The following SIL1 variants were observed in gnomAD, a reference collection of about 807,000 sequenced individuals.
SIL1 encodes nucleotide exchange factor SIL1.
SIL1 carries 40 observed loss-of-function variants against 49.1 expected under a neutral mutation model. That is an observed-to-expected ratio of 0.81 (90% CI 0.63 to 1.06). SIL1 has a LOEUF of 1.06. Ranked by LOEUF, SIL1 falls within the 50% of genes least tolerant of loss-of-function variation. The pLI, the probability that SIL1 is intolerant of heterozygous loss-of-function variation, is 0.00. For synonymous variants in SIL1, 253 were observed against 250.8 expected (o/e 1.01, Z -0.08); for missense variants, 500 against 572.6 (o/e 0.87, Z 1.29).
intron 5 of SIL1, among the ~76,000 whole-genome samples, chr5:139,036,722 T>C (rs1399859561): frequency 1.3e-5 from 2 of 151,924 alleles, no homozygotes; most frequent in Non-Finnish European, 2.9e-5. Context: ...AGGGAGGGGA[T>C]CAGGAAAAAT....
chr5:139,060,628 T>C (rs1445725443), intron 3 of SIL1, among the ~76,000 whole-genome samples: 3 of 152,138 alleles, frequency 2.0e-5, no homozygotes, highest in African/African-American at 7.2e-5. Flanking sequence ...ATTATTCCCA[T>C]TGTACACTTT....
intron 6 of SIL1, among the ~76,000 whole-genome samples, chr5:139,023,545 A>C (rs1185728351): frequency 6.6e-6 from 1 of 152,248 alleles, no homozygotes; most frequent in Non-Finnish European, 1.5e-5. Context: ...CTCCTCATAA[A>C]TAACTCACCA....
chr5:139,184,475 C>T (rs891850518), intron 1 of SIL1, among the ~76,000 whole-genome samples: 1 of 152,020 alleles, frequency 6.6e-6, no homozygotes, highest in African/African-American at 2.4e-5. Context: ...GAGTTCAAGA[C>T]CAGCCTCGGA....
chr5:138,991,540 A>T (rs1406664623), intron 7 of SIL1, among the ~76,000 whole-genome samples: 1 of 152,214 alleles, frequency 6.6e-6, no homozygotes, highest in African/African-American at 2.4e-5. Flanking sequence ...TCCCTAAAAA[A>T]GCCCCAAGAC....
intron 7 of SIL1, among the ~76,000 whole-genome samples, chr5:139,005,314 C>T (rs1478092468): frequency 6.6e-6 from 1 of 151,804 alleles, no homozygotes; most frequent in Non-Finnish European, 1.5e-5. Flanking sequence ...TCCATTGTCA[C>T]TTTTGATAGC....
intron 3 of SIL1, among the ~76,000 whole-genome samples, chr5:139,118,987 C>A (rs1423777322): frequency 1.3e-5 from 2 of 152,146 alleles, no homozygotes; most frequent in African/African-American, 4.8e-5. Flanking sequence ...TGACCGGAAC[C>A]AGAGTTGCTT....
At chr5:139,118,234 A>G (rs1771039436) in intron 3 of SIL1, among the ~76,000 whole-genome samples, 1 of 152,114 alleles carries the variant, frequency 6.6e-6, no homozygotes, top group African/African-American at 2.4e-5. Flanking sequence ...TCTTCTTCAC[A>G]TCGTAAGTTC....
chr5:139,145,907 A>T (rs955974833), intron 1 of SIL1, among the ~76,000 whole-genome samples: 3 of 146,870 alleles, frequency 2.0e-5, no homozygotes, highest in African/African-American at 7.5e-5. Context: ...AAAAATAAAT[A>T]AAAAAAAAAA....
chr5:139,040,653 C>A (rs1769028038), intron 5 of SIL1, among the ~76,000 whole-genome samples: 1 of 151,746 alleles, frequency 6.6e-6, no homozygotes, highest in Admixed American at 6.6e-5. Flanking sequence ...CACATACCAT[C>A]ATGCCCGGCT....
At chr5:139,188,850 C>T (rs973189853) in intron 1 of SIL1, among the ~76,000 whole-genome samples, 1 of 152,158 alleles carries the variant, frequency 6.6e-6, no homozygotes, top group Non-Finnish European at 1.5e-5. Context: ...ACACTGCCCC[C>T]GAAACAAGGC....
In SIL1 at chr5:139,098,809, CTTTTTTTTTTT is replaced by C. The variant is rs59863544; in HGVS notation, c.244+22215_244+22225del. Among the ~76,000 whole-genome samples, 34 of 89,086 alleles carry C rather than the reference CTTTTTTTTTTT, an allele frequency of 3.8e-4. 1 individual carries two copies. The highest frequency in any genetic ancestry group is 5.3e-4 in the African/African-American group (13 of 24,466). The allele number at this position is 89,086 out of a possible 152,430, so 58.4% of individuals were successfully genotyped here. ...AAGATTTGAATAGACTTTTCTTACT[CTTTTTTTTTTT>C]TTTTTTTTTTTTTTGAGAGGGAGTC... On this transcript the variant is annotated intron_variant, in intron 3 of 9. Transcript: ENST00000394817.
At chr5:139,051,353 C>A in intron 3 of SIL1, 1 of 429,060 alleles carries the variant, frequency 2.3e-6, no homozygotes. Context: ...TCTTCTTGAG[C>A]TAATAAAAGC....
chr5:139,008,365 A>G (rs1768171200), intron 7 of SIL1, among the ~76,000 whole-genome samples: 1 of 137,074 alleles, frequency 7.3e-6, no homozygotes, highest in Admixed American at 7.2e-5. Context: ...TTTCTTTATT[A>G]GTCTTGCTAG....
At chr5:139,085,375 T>C (rs1370785412) in intron 3 of SIL1, among the ~76,000 whole-genome samples, 5 of 152,216 alleles carry the variant, frequency 3.3e-5, no homozygotes, top group Admixed American at 1.3e-4. Flanking sequence ...CAGGGAAAAA[T>C]CTTGTGACAA....
chr5:139,128,166 G>A (rs1750792584), intron 1 of SIL1: 1 of 382,260 alleles, frequency 2.6e-6, no homozygotes. Context: ...TTGACTATAA[G>A]GAGAGAGGGA....
intron 7 of SIL1, chr5:138,953,320 G>C (rs1766826500): frequency 6.6e-6 from 1 of 152,426 alleles, no homozygotes; most frequent in Non-Finnish European, 1.5e-5. Context: ...AAGACACACT[G>C]TGCCACCGTA....
intron 5 of SIL1, among the ~76,000 whole-genome samples, chr5:139,029,398 G>A (rs931969127): frequency 3.9e-5 from 6 of 152,210 alleles, no homozygotes; most frequent in Non-Finnish European, 8.8e-5. Context: ...GGAACTCTCT[G>A]AGAAATTTCA....
chr5:139,164,438 A>G (rs1751577491), intron 1 of SIL1, among the ~76,000 whole-genome samples: 1 of 152,130 alleles, frequency 6.6e-6, no homozygotes, highest in South Asian at 2.1e-4. Flanking sequence ...CCTGACTCCA[A>G]ATACCTTCTC....
chr5:139,111,601 T>C (rs1351182235), intron 3 of SIL1, among the ~76,000 whole-genome samples: 2 of 152,194 alleles, frequency 1.3e-5, no homozygotes, highest in East Asian at 1.9e-4. Flanking sequence ...ATGGTATCCC[T>C]GGCATCAAGC....
Sources: gnomAD v4.1 joint callset for allele counts (sites outside exome capture counted in the v4.1 genomes callset) on GRCh38, gnomAD v4.1.1 for gene constraint, MANE v1.5 for transcripts, NCBI Gene and HGNC (gene_info 2026-07-23, HGNC 2026-07-21) for gene names.